ACAD10: variants seen among roughly 807,000 people sequenced by gnomAD.
ACAD10 encodes ACAD-10.
ACAD10 carries 112 observed loss-of-function variants against 116.8 expected under a neutral mutation model. That is an observed-to-expected ratio of 0.96 (90% CI 0.82 to 1.12). The LOEUF (loss-of-function observed/expected upper bound fraction) is 1.12. Among genes scored for constraint, ACAD10 ranks in the 50% most tolerant of loss-of-function variants. The pLI is 0.00. For missense variants in ACAD10, 1,259 were observed against 1,350.2 expected (o/e 0.93, Z 1.06); for synonymous variants, 486 against 510.6 (o/e 0.95, Z 0.65).
chr12:111,725,985 T>G (rs1889202897), intron 8 of ACAD10, among the ~76,000 whole-genome samples: 1 of 152,134 alleles, frequency 6.6e-6, no homozygotes. Context: ...GGTAGGATTT[T>G]CAAAACAATT....
chr12:111,700,421 G>C (rs1888314995), intron 2 of ACAD10, among the ~76,000 whole-genome samples: 1 of 152,112 alleles, frequency 6.6e-6, no homozygotes, highest in South Asian at 2.1e-4. Context: ...ATATATGGAA[G>C]AAATTTCTGA....
intron 18 of ACAD10, chr12:111,749,577 G>A (rs1023604349): frequency 8.8e-6 from 5 of 566,780 alleles, no homozygotes; most frequent in Non-Finnish European, 1.5e-5. Flanking sequence ...GAAACGCCAG[G>A]CTCTGTAGCA....
chr12:111,700,923 T>C (rs1888332029), intron 2 of ACAD10, among the ~76,000 whole-genome samples: 1 of 152,052 alleles, frequency 6.6e-6, no homozygotes, highest in East Asian at 1.9e-4. Context: ...CACGCCAAGC[T>C]AATTTTTAAA....
chr12:111,730,397 C>T (rs566636000), intron 10 of ACAD10, among the ~76,000 whole-genome samples: 5 of 152,218 alleles, frequency 3.3e-5, no homozygotes, highest in African/African-American at 1.2e-4. Context: ...TGCCACTCAC[C>T]TCCCAAGAGG....
chr12:111,751,145 G>C (rs1399991176), intron 18 of ACAD10, among the ~76,000 whole-genome samples: 4 of 152,136 alleles, frequency 2.6e-5, no homozygotes, highest in Non-Finnish European at 5.9e-5. Flanking sequence ...TTTGCTACAA[G>C]GAGGTTCACC....
chr12:111,713,787 A>T (rs1298187769), intron 6 of ACAD10, among the ~76,000 whole-genome samples: 3 of 151,768 alleles, frequency 2.0e-5, no homozygotes, highest in Non-Finnish European at 4.4e-5. Context: ...AAATATAAAA[A>T]TTAGCTAGGT....
At chr12:111,703,338 T>A (rs1366804551) in intron 3 of ACAD10, among the ~76,000 whole-genome samples, 2 of 152,274 alleles carry the variant, frequency 1.3e-5, no homozygotes, top group Non-Finnish European at 2.9e-5. Context: ...ATAATGGCTT[T>A]GATAAAAAAG....
At chr12:111,699,809 AC>A (rs1888298157) in intron 2 of ACAD10, among the ~76,000 whole-genome samples, 1 of 152,072 alleles carries the variant, frequency 6.6e-6, no homozygotes, top group South Asian at 2.1e-4. Flanking sequence ...AATCCCAGCT[AC>A]TCAGGAGGCT....
chr12:111,726,714 A>G (rs887552820), intron 8 of ACAD10, among the ~76,000 whole-genome samples: 70 of 152,068 alleles, frequency 4.6e-4, no homozygotes, highest in African/African-American at 1.5e-3. Flanking sequence ...ACAAAAAATT[A>G]GCTGGTTGTG....
At chr12:111,726,847 C>A (rs375602735) in intron 8 of ACAD10, among the ~76,000 whole-genome samples, 6 of 151,762 alleles carry the variant, frequency 4.0e-5, no homozygotes, top group African/African-American at 1.5e-4. Context: ...GGCAACAGAG[C>A]GAGACTCCAT....
Position 111,728,099 on chromosome 12 carries a change from G to T in ACAD10, c.1199G>T (p.Ser400Ile). The T allele has an allele frequency of 1.2e-6, 2 of 1,613,514 alleles. No homozygotes were observed. Among genetic ancestry groups the T allele is most frequent in the Non-Finnish European group, 1.7e-6 (2 of 1,179,806 alleles). Residue 400 changes from serine (S) to isoleucine (I), a missense_variant, in exon 9 of 21, where the codon AGT (serine) becomes ATT (isoleucine). Ser to Ile is a moderately radical substitution (Grantham distance 142, BLOSUM62 -2). Transcript: ENST00000313698. The part of the protein sequence containing the change: ...AMNTVLCKIH[S>I]VDLQAVGLED... Reference sequence around the variant, plus strand: ...AACACAGTCCTGTGCAAAATTCACAGTGTGGATCTGCAGGCTGTGGGACTT... The same window carrying T: ...AACACAGTCCTGTGCAAAATTCACATTGTGGATCTGCAGGCTGTGGGACTT...
chr12:111,714,701 TTTAAATTAAA>T (rs1045358406), intron 6 of ACAD10, among the ~76,000 whole-genome samples: 1 of 151,926 alleles, frequency 6.6e-6, no homozygotes, highest in Non-Finnish European at 1.5e-5. Context: ...TACAAAATTT[TTTAAATTAAA>T]TTAAATTAAA....
At chr12:111,749,498 C>T (rs1890010661) in intron 18 of ACAD10, 153 bp downstream of exon 18, 4 of 1,027,360 alleles carry the variant, frequency 3.9e-6, no homozygotes, top group Non-Finnish European at 5.5e-6. Flanking sequence ...GTCTGCTTTG[C>T]ATCTGCTACT....
At chr12:111,752,150 G>A (rs1353505947) in intron 18 of ACAD10, among the ~76,000 whole-genome samples, 5 of 151,894 alleles carry the variant, frequency 3.3e-5, no homozygotes. Flanking sequence ...TCCTGAGCCT[G>A]GGAGGTCGAG....
chr12:111,754,066 C>T (rs1309016342), intron 19 of ACAD10, 151 bp downstream of exon 19: 5 of 1,170,702 alleles, frequency 4.3e-6, no homozygotes, highest in Admixed American at 5.8e-5. Context: ...TGGAAAGGCA[C>T]AAGAAGAGAG....
chr12:111,740,009 G>T (rs12809537), intron 12 of ACAD10, among the ~76,000 whole-genome samples: 1 of 152,106 alleles, frequency 6.6e-6, no homozygotes, highest in African/African-American at 2.4e-5. Context: ...AAGAATCCTA[G>T]ATGAGATATT....
At chr12:111,698,651 A>G (rs1358617191) in intron 2 of ACAD10, among the ~76,000 whole-genome samples, 1 of 150,182 alleles carries the variant, frequency 6.7e-6, no homozygotes, top group Non-Finnish European at 1.5e-5. Context: ...CTAATTTTGT[A>G]TTTTTAGTAG....
At chr12:111,719,391 C>A (rs1009199937) in intron 7 of ACAD10, among the ~76,000 whole-genome samples, 1 of 149,662 alleles carries the variant, frequency 6.7e-6, no homozygotes, top group African/African-American at 2.5e-5. Context: ...GTAGCTCGGA[C>A]TACAGGCACA....
At chr12:111,697,591 T>A (rs981768351) in intron 2 of ACAD10, among the ~76,000 whole-genome samples, 6 of 148,786 alleles carry the variant, frequency 4.0e-5, no homozygotes, top group African/African-American at 1.5e-4. Context: ...TCTCTTTTTT[T>A]TTTTTTTTTT....
Sources: gnomAD v4.1 joint callset for allele counts (sites outside exome capture counted in the v4.1 genomes callset) on GRCh38, gnomAD v4.1.1 for gene constraint, MANE v1.5 for transcripts, NCBI Gene and HGNC (gene_info 2026-07-23, HGNC 2026-07-21) for gene names.